CHRM2: variants seen among roughly 807,000 people sequenced by gnomAD.
CHRM2 encodes muscarinic acetylcholine receptor M2.
Under a neutral mutation model 25.0 loss-of-function variants are expected in CHRM2, and 8 were observed. The ratio of observed to expected loss-of-function variants is 0.32; its 90% CI spans 0.19 to 0.58. The LOEUF (loss-of-function observed/expected upper bound fraction) is 0.58. Among genes scored for constraint, CHRM2 ranks in the 20% least tolerant of loss-of-function variants. The probability of loss-of-function intolerance (pLI) is 0.88; values close to 1 mark genes in which losing one functional copy is unlikely to be tolerated. For synonymous variants in CHRM2, 202 were observed against 205.7 expected, an observed-to-expected ratio of 0.98 and a Z score of 0.15; for missense variants, 440 against 567.1, an observed-to-expected ratio of 0.78 and a Z score of 2.28.
At chr7:136,996,572 A>G (rs1803617584) in intron 3 of CHRM2, among the ~76,000 whole-genome samples, 1 of 152,190 alleles carries the variant, frequency 6.6e-6, no homozygotes, top group African/African-American at 2.4e-5. Flanking sequence ...ATAGGAATTT[A>G]TCCTAAGAAA....
intron 2 of CHRM2, among the ~76,000 whole-genome samples, chr7:136,950,783 C>CTGTTGTTGTTGT (rs200954535): frequency 6.3e-4 from 95 of 149,780 alleles, no homozygotes; most frequent in African/African-American, 1.6e-3. Flanking sequence ...AACCCCCAAC[C>CTGTTGTTGTTGT]TGTTGTTGTT....
At chr7:136,930,898 C>CAAAAAAAAAAAAAAAAAAAAAAAAAAA (rs57705639) in intron 2 of CHRM2, among the ~76,000 whole-genome samples, 4 of 61,152 alleles carry the variant, frequency 6.5e-5, no homozygotes, top group Non-Finnish European at 1.1e-4. Context: ...CTCATTCTCT[C>CAAAAAAAAAAAAAAAAAAAAAAAAAAA]AAAAAAAAAA....
At chr7:136,933,638 T>G (rs1387046846) in intron 2 of CHRM2, among the ~76,000 whole-genome samples, 2 of 152,214 alleles carry the variant, frequency 1.3e-5, no homozygotes, top group Non-Finnish European at 2.9e-5. Context: ...AGCAGTACTC[T>G]TTATAATAAT....
intron 3 of CHRM2, among the ~76,000 whole-genome samples, chr7:136,994,346 C>T (rs766634881): frequency 6.6e-6 from 1 of 152,046 alleles, no homozygotes; most frequent in Non-Finnish European, 1.5e-5. Context: ...TTCTGAGTTG[C>T]TCCTGCATTG....
intron 2 of CHRM2, among the ~76,000 whole-genome samples, chr7:136,969,944 G>A (rs1801654729): frequency 6.6e-6 from 1 of 152,080 alleles, no homozygotes; most frequent in Admixed American, 6.6e-5. Flanking sequence ...CATGGTTTAG[G>A]CCAATTCAGT....
intron 2 of CHRM2, among the ~76,000 whole-genome samples, chr7:136,916,048 T>G (rs902718708): frequency 7.2e-5 from 11 of 151,854 alleles, no homozygotes; most frequent in African/African-American, 2.7e-4. Flanking sequence ...TCTAACCCCA[T>G]GGTGCAGGCC....
intron 2 of CHRM2, among the ~76,000 whole-genome samples, chr7:136,990,946 T>C (rs1231428858): frequency 6.6e-6 from 1 of 152,178 alleles, no homozygotes. Flanking sequence ...TCTCATTGTC[T>C]TGATTTGCAT....
Position 136,989,217 on chromosome 7 carries a change from T to TAA in CHRM2, c.-124-2968_-124-2967dup, listed in dbSNP as rs1410971234. Reference sequence around the variant, plus strand: ...GTTTGGGAAAAATCCATGCTAAGGTTAAAGATTTTTGTTTTTATAGTTTTA... The same window carrying TAA: ...GTTTGGGAAAAATCCATGCTAAGGTTAAAAAGATTTTTGTTTTTATAGTTTTA... On this transcript the variant is annotated intron_variant, in intron 2 of 3. Coordinates refer to ENST00000680005, the MANE Select transcript of CHRM2 (RefSeq NM_001006630.2). Among the ~76,000 whole-genome samples the TAA allele has an allele frequency of 4.3e-3, 617 of 144,948 alleles. 2 individuals are homozygous for TAA. Among genetic ancestry groups the TAA allele is most frequent in the Non-Finnish European group, 7.6e-3 (494 of 65,248 alleles).
At chr7:136,942,681 G>A (rs561948760) in intron 2 of CHRM2, among the ~76,000 whole-genome samples, 58 of 152,224 alleles carry the variant, frequency 3.8e-4, no homozygotes, top group African/African-American at 1.3e-3. Flanking sequence ...TAACCCCAGG[G>A]CAGGCTGCTT....
At chr7:136,923,181 C>A (rs1055184574) in intron 2 of CHRM2, among the ~76,000 whole-genome samples, 2 of 151,674 alleles carry the variant, frequency 1.3e-5, no homozygotes, top group Non-Finnish European at 2.9e-5. Context: ...CATCTGGCAG[C>A]CACAAGGAGA....
rs1465855891 is a variant in CHRM2, at chr7:137,017,337, T to C, written c.*1071T>C. On this transcript the variant is annotated 3_prime_UTR_variant, in exon 4 of 4. Coordinates refer to ENST00000680005, the MANE Select transcript of CHRM2 (RefSeq NM_001006630.2). ...GAATTTGCCTGACCCATGTATGAAA[T>C]GTTAACTTATAGAAAATGAACTCCT... 1 of 151,946 alleles carries C rather than the reference T, an allele frequency of 6.6e-6. No homozygotes were observed. The highest frequency in any genetic ancestry group is 1.5e-5 in the Non-Finnish European group (1 of 67,934). 9.4% of individuals were successfully genotyped at this position (151,946 alleles called of 1,614,324 possible).
chr7:137,003,904 G>A (rs912390231), intron 3 of CHRM2, among the ~76,000 whole-genome samples: 1 of 152,002 alleles, frequency 6.6e-6, no homozygotes, highest in South Asian at 2.1e-4. Flanking sequence ...TTTGATAAGG[G>A]GCTTTTCCCC....
chr7:136,957,022 G>A (rs901773177), intron 2 of CHRM2, among the ~76,000 whole-genome samples: 3 of 152,138 alleles, frequency 2.0e-5, no homozygotes, highest in African/African-American at 7.2e-5. Context: ...AGGCCCCTCA[G>A]AGATGCCTAA....
intron 2 of CHRM2, among the ~76,000 whole-genome samples, chr7:136,945,615 G>A (rs6467696): frequency 0.67 from 101,308 of 151,976 alleles, 34,514 homozygotes; most frequent in African/African-American, 0.78. Flanking sequence ...CTGTTTTGGT[G>A]ACTATAGCCT....
At chr7:136,885,130 C>T (rs578050275) in intron 2 of CHRM2, among the ~76,000 whole-genome samples, 1 of 152,334 alleles carries the variant, frequency 6.6e-6, no homozygotes, top group East Asian at 1.9e-4. Flanking sequence ...TTTTATTCAT[C>T]TTCATAGAGA....
At chr7:136,921,465 C>G (rs932337379) in intron 2 of CHRM2, among the ~76,000 whole-genome samples, 1 of 152,096 alleles carries the variant, frequency 6.6e-6, no homozygotes, top group Non-Finnish European at 1.5e-5. Flanking sequence ...TTGACAGCTC[C>G]CCATTCTTAC....
intron 3 of CHRM2, among the ~76,000 whole-genome samples, chr7:137,012,167 G>C (rs903673075): frequency 2.6e-5 from 4 of 151,970 alleles, no homozygotes; most frequent in African/African-American, 7.2e-5. Context: ...TCATGAAACA[G>C]ATACACATAT....
intron 2 of CHRM2, among the ~76,000 whole-genome samples, chr7:136,945,713 G>A (rs1224142644): frequency 6.6e-6 from 1 of 151,982 alleles, no homozygotes; most frequent in Non-Finnish European, 1.5e-5. Flanking sequence ...GCTCTTCTTT[G>A]GTTCAGTCAC....
At chr7:136,964,531 A>C (rs1801294029) in intron 2 of CHRM2, among the ~76,000 whole-genome samples, 1 of 152,226 alleles carries the variant, frequency 6.6e-6, no homozygotes, top group Non-Finnish European at 1.5e-5. Flanking sequence ...TTACGAGACC[A>C]GTCAGCATTG....
Sources: allele counts gnomAD v4.1 joint callset (sites outside exome capture counted in the v4.1 genomes callset), GRCh38; gene constraint gnomAD v4.1.1; transcripts MANE v1.5; gene names NCBI Gene and HGNC (gene_info 2026-07-23, HGNC 2026-07-21).